NXPE2: variants seen among roughly 807,000 people sequenced by gnomAD.
NXPE2 encodes the protein neurexophilin and PC-esterase domain family member 2.
Under a neutral mutation model 34.4 loss-of-function variants are expected in NXPE2, and 34 were observed. The observed-to-expected ratio is 0.99, with a 90% confidence interval of 0.75 to 1.31. NXPE2 has a LOEUF of 1.31. NXPE2 is among the 40% of genes most tolerant of loss of function. The pLI is 0.00. For missense variants in NXPE2, 649 were observed against 672.5 expected (o/e 0.97, Z 0.39); for synonymous variants, 235 against 231.3 (o/e 1.02, Z -0.15).
At chr11:114,505,780 A>G in the NXPE2 span, among the ~76,000 whole-genome samples, 1 of 152,208 alleles carries the variant, frequency 6.6e-6, no homozygotes, top group Non-Finnish European at 1.5e-5. Context: ...ACTGAAGTAC[A>G]CAGAGCAGTG....
At chr11:114,573,344 T>A in the NXPE2 span, among the ~76,000 whole-genome samples, 2 of 152,042 alleles carry the variant, frequency 1.3e-5, no homozygotes, top group African/African-American at 4.8e-5. Context: ...ATGAATAGAA[T>A]AGTATCTTAT....
chr11:114,662,876 G>A, the NXPE2 span, among the ~76,000 whole-genome samples: 58 of 152,218 alleles, frequency 3.8e-4, no homozygotes, highest in African/African-American at 1.2e-3. Flanking sequence ...GAGCACTTGC[G>A]CCTTGAATAA....
At chr11:114,609,710 G>A in the NXPE2 span, among the ~76,000 whole-genome samples, 334 of 151,088 alleles carry the variant, frequency 2.2e-3, 2 homozygotes, top group African/African-American at 6.9e-3. Context: ...ACTGTTACCC[G>A]GTGGATAATA....
the NXPE2 span, among the ~76,000 whole-genome samples, chr11:114,481,447 G>A: frequency 1.1e-4 from 16 of 152,184 alleles, no homozygotes; most frequent in East Asian, 1.5e-3. Context: ...CAACAATAGC[G>A]CTTTCCTTAG....
the NXPE2 span, among the ~76,000 whole-genome samples, chr11:114,474,890 A>G: frequency 7.2e-5 from 11 of 152,184 alleles, no homozygotes; most frequent in Non-Finnish European, 1.6e-4. Flanking sequence ...TTCAAAATCA[A>G]TGGGAAGGAT....
At chr11:114,481,762 T>A in the NXPE2 span, among the ~76,000 whole-genome samples, 33 of 152,208 alleles carry the variant, frequency 2.2e-4, no homozygotes, top group African/African-American at 7.9e-4. Context: ...GTTGGCAAAT[T>A]TTTGAAATCT....
At chr11:114,799,964 TGTCTCCCTCC>T in the NXPE2 span, among the ~76,000 whole-genome samples, 85 of 126,244 alleles carry the variant, frequency 6.7e-4, no homozygotes, top group South Asian at 0.01. Flanking sequence ...CTTCTTCCTC[TGTCTCCCTCC>T]TCCCTCTCCC....
chr11:114,772,993 C>T, the NXPE2 span, among the ~76,000 whole-genome samples: 1 of 152,138 alleles, frequency 6.6e-6, no homozygotes, highest in African/African-American at 2.4e-5. Flanking sequence ...TTCTCTACTA[C>T]TCAAAGTAGA....
chr11:114,679,356 T>A (rs890893183), intron 1 of NXPE2, among the ~76,000 whole-genome samples: 3 of 151,846 alleles, frequency 2.0e-5, no homozygotes, highest in Admixed American at 6.6e-5. Context: ...TGGTAAATAA[T>A]CTAAAACCTT....
the NXPE2 span, among the ~76,000 whole-genome samples, chr11:114,555,861 G>A: frequency 7.2e-5 from 11 of 152,136 alleles, no homozygotes; most frequent in Non-Finnish European, 1.2e-4. Context: ...TCAGTAGTTT[G>A]TTCCTTTTCA....
the NXPE2 span, chr11:114,521,891 A>G: frequency 8.8e-7 from 1 of 1,141,440 alleles, no homozygotes; most frequent in Non-Finnish European, 1.3e-6. Flanking sequence ...TCCTAAAATG[A>G]GTAAAACTTA....
At chr11:114,762,731 G>A in the NXPE2 span, among the ~76,000 whole-genome samples, 1 of 152,128 alleles carries the variant, frequency 6.6e-6, no homozygotes, top group Admixed American at 6.5e-5. Context: ...TTAAATCTCA[G>A]CCTTCTCAGG....
At chr11:114,793,346 C>T in the NXPE2 span, among the ~76,000 whole-genome samples, 2 of 151,828 alleles carry the variant, frequency 1.3e-5, no homozygotes, top group African/African-American at 4.8e-5. Flanking sequence ...TTTTCTCTCC[C>T]AGGCAAAATT....
the NXPE2 span, among the ~76,000 whole-genome samples, chr11:114,773,370 C>T: frequency 1.3e-5 from 2 of 148,670 alleles, no homozygotes; most frequent in Non-Finnish European, 3.0e-5. Flanking sequence ...CTTTAAGATG[C>T]TTCCAGATAA....
At chr11:114,555,324 A>G in the NXPE2 span, among the ~76,000 whole-genome samples, 1 of 152,098 alleles carries the variant, frequency 6.6e-6, no homozygotes, top group African/African-American at 2.4e-5. Flanking sequence ...CCCGGGTTCA[A>G]GTGATTCCCC....
At chr11:114,719,380 G>A in the NXPE2 span, among the ~76,000 whole-genome samples, 1 of 152,218 alleles carries the variant, frequency 6.6e-6, no homozygotes, top group African/African-American at 2.4e-5. Flanking sequence ...TCAGAAAACA[G>A]TGTTTGTCCT....
chr11:114,655,343 T>C, the NXPE2 span, among the ~76,000 whole-genome samples: 1 of 152,230 alleles, frequency 6.6e-6, no homozygotes. Context: ...ATCCCATTTG[T>C]CAATTTTCAC....
the NXPE2 span, among the ~76,000 whole-genome samples, chr11:114,714,270 T>C: frequency 6.6e-6 from 1 of 152,242 alleles, no homozygotes; most frequent in Non-Finnish European, 1.5e-5. Flanking sequence ...CTTTTTACTT[T>C]ATTGACAAAA....
the NXPE2 span, among the ~76,000 whole-genome samples, chr11:114,639,452 C>G: frequency 6.6e-6 from 1 of 151,654 alleles, no homozygotes; most frequent in Non-Finnish European, 1.5e-5. Context: ...TGCTTCGGCT[C>G]ATGCACGCTG....
Sources: gnomAD v4.1 joint callset for allele counts (sites outside exome capture counted in the v4.1 genomes callset) on GRCh38, gnomAD v4.1.1 for gene constraint, MANE v1.5 for transcripts, NCBI Gene and HGNC (gene_info 2026-07-23, HGNC 2026-07-21) for gene names.